The following DRGX variants were observed in gnomAD, a reference collection of about 807,000 sequenced individuals.
The protein encoded by DRGX is dorsal root ganglia homeobox protein.
A neutral mutation model predicts 28.6 loss-of-function variants in DRGX; 21 were observed. The ratio of observed to expected loss-of-function variants is 0.73; its 90% CI spans 0.52 to 1.06. DRGX has a LOEUF of 1.06. Among genes scored for constraint, DRGX ranks in the 50% least tolerant of loss-of-function variants. DRGX has a pLI of 0.00. For synonymous variants in DRGX, 136 were observed against 139.1 expected, an observed-to-expected ratio of 0.98 and a Z score of 0.16; for missense variants, 354 against 343.9, an observed-to-expected ratio of 1.03 and a Z score of -0.23.
intron 6 of DRGX, among the ~76,000 whole-genome samples, chr10:49,382,427 A>C (rs1158229344): frequency 6.6e-6 from 1 of 152,200 alleles, no homozygotes; most frequent in Non-Finnish European, 1.5e-5. Context: ...GGCCTGAGAA[A>C]AGGAGAACTA....
chr10:49,369,552 A>G (rs1376921179), intron 6 of DRGX, among the ~76,000 whole-genome samples: 2 of 152,128 alleles, frequency 1.3e-5, no homozygotes, highest in African/African-American at 4.8e-5. Context: ...AGAGTACTCA[A>G]ATTCCCAGAG....
rs1849593229 is a variant in DRGX at position 49,365,941 on chromosome 10, C to T, written c.*175G>A. On this transcript the variant is annotated 3_prime_UTR_variant, in exon 7 of 7. Coordinates refer to ENST00000374139, the MANE Select transcript of DRGX (RefSeq NM_001276451.2). ...CAACACTGCCGCACTGGTGGGACTC[C>T]AGAGGGACGCTCCAGGTGCCAAGGG... 1.4e-6 allele frequency: 1 copy of T among 701,714 alleles called. No individual in the cohort carries two copies. 43.5% of individuals were successfully genotyped at this position (701,714 alleles called of 1,614,324 possible). A position where few individuals can be genotyped will look rare whatever the true frequency, so the allele number is the denominator to read the frequency against.
intron 2 of DRGX, among the ~76,000 whole-genome samples, chr10:49,393,716 A>G (rs1206543499): frequency 6.6e-6 from 1 of 152,256 alleles, no homozygotes; most frequent in Admixed American, 6.5e-5. Flanking sequence ...CAAAACTGGC[A>G]TAGAATCACA....
chr10:49,375,990 A>T (rs1849712358), intron 6 of DRGX, among the ~76,000 whole-genome samples: 2 of 152,098 alleles, frequency 1.3e-5, no homozygotes, highest in South Asian at 4.1e-4. Flanking sequence ...ACCCATAGGA[A>T]ATGGCTTCTG....
intron 2 of DRGX, among the ~76,000 whole-genome samples, chr10:49,394,650 A>G (rs1362325370): frequency 2.0e-5 from 3 of 152,274 alleles, no homozygotes; most frequent in Middle Eastern, 6.8e-3. Flanking sequence ...TGAGGTCCCA[A>G]CTGTCCCCTT....
At chr10:49,386,943 A>T in intron 4 of DRGX, 85 bp from the exon 5 acceptor site, 1 of 1,444,358 alleles carries the variant, frequency 6.9e-7, no homozygotes, top group Non-Finnish European at 9.2e-7. Flanking sequence ...TGGCACTCAC[A>T]GCTCACCCTG....
chr10:49,386,812 CCT>C lies in DRGX; in HGVS notation c.279_280del (p.Ala95LeufsTer34). On this transcript the variant is annotated frameshift_variant, in exon 5 of 7. Coordinates refer to ENST00000374139, the MANE Select transcript of DRGX (RefSeq NM_001276451.2). LOFTEE classifies it high-confidence loss of function. Reference sequence around the variant, plus strand: ...GGCTCCTGGCTCCTGGTCTGAGGCCCCTCTCTCTGTCTTCCTCCATTTGGCCC... The same window carrying C: ...GGCTCCTGGCTCCTGGTCTGAGGCCCCTCTCTGTCTTCCTCCATTTGGCCC... The C allele has an allele frequency of 6.3e-7, 1 of 1,597,744 alleles. No individual in the cohort carries two copies. The highest frequency in any genetic ancestry group is 1.1e-5 in the South Asian group (1 of 88,298).
chr10:49,390,340 A>G lies in DRGX; in HGVS notation c.133-106T>C, dbSNP rs914022222. ...GAGTGGTGAGGAAGCAGTTTCACAG[A>G]TTAAATCGAGGAAGGACAGGGAGAA... On this transcript the variant is annotated intron_variant, in intron 3 of 6. Coordinates refer to ENST00000374139, the MANE Select transcript of DRGX (RefSeq NM_001276451.2). 12 of 958,478 alleles carry G rather than the reference A, an allele frequency of 1.3e-5. No homozygotes were observed. In the African/African-American group the frequency reaches 1.8e-4, roughly 15 times the overall value. 59.4% of individuals were successfully genotyped at this position (958,478 alleles called of 1,614,324 possible).
rs918035702 is a variant in DRGX, at chr10:49,386,773, G to A, written c.320C>T (p.Ala107Val). 3 of 1,610,228 alleles carry A rather than the reference G, an allele frequency of 1.9e-6. No individual in the cohort carries two copies. The highest frequency in any genetic ancestry group is 2.5e-6 in the Non-Finnish European group (3 of 1,178,292). The change falls in exon 5 of 7, where the codon GCA (alanine) becomes GTA (valine). Residue 107 changes from alanine to valine, a missense_variant. Physicochemically the swap from Ala to Val is moderately conservative, Grantham distance 64. Transcript: ENST00000374139. ...DQEPGAKEPM[A>V]EVTPPPVRNI... is the part of the protein sequence containing the mutation. ...TCTCACTGGAGGAGGTGTCACCTCT[G>A]CCATGGGCTCCTTGGCTCCTGGCTC...
chr10:49,389,920 G>A (rs1849882473), intron 4 of DRGX, among the ~76,000 whole-genome samples: 1 of 151,164 alleles, frequency 6.6e-6, no homozygotes, highest in African/African-American at 2.4e-5. Context: ...ACAAATTAGT[G>A]TAGAACATTA....
chr10:49,370,906 G>A (rs1279115892), intron 6 of DRGX, among the ~76,000 whole-genome samples: 1 of 152,160 alleles, frequency 6.6e-6, no homozygotes, highest in Non-Finnish European at 1.5e-5. Flanking sequence ...CTTAACAGAG[G>A]CAGAACCTGC....
At chr10:49,379,459 G>A (rs1158104081) in intron 6 of DRGX, among the ~76,000 whole-genome samples, 1 of 152,008 alleles carries the variant, frequency 6.6e-6, no homozygotes, top group Non-Finnish European at 1.5e-5. Context: ...TTTTAAAAAG[G>A]AAAACATCGT....
intron 6 of DRGX, among the ~76,000 whole-genome samples, chr10:49,375,872 C>T (rs1194405394): frequency 6.6e-6 from 1 of 152,156 alleles, no homozygotes; most frequent in African/African-American, 2.4e-5. Flanking sequence ...CAGAGCTCGG[C>T]ATGGGCAGGC....
At chr10:49,395,384 C>A in intron 2 of DRGX, 23 bp downstream of exon 2, 1 of 1,548,542 alleles carries the variant, frequency 6.5e-7, no homozygotes, top group Non-Finnish European at 8.7e-7. Context: ...TCATGGAGAC[C>A]CTGGGGCGCA....
chr10:49,385,731 A>T (rs1398056632), intron 6 of DRGX, among the ~76,000 whole-genome samples: 1 of 151,802 alleles, frequency 6.6e-6, no homozygotes, highest in Non-Finnish European at 1.5e-5. Flanking sequence ...GCCTGCACCT[A>T]TGCCTCCACC....
Position 49,366,293 on chromosome 10 carries a change from G to A in DRGX, c.615C>T (p.Ser205=), listed in dbSNP as rs1205887900. Residue 205 remains serine, a synonymous_variant, in exon 7 of 7, where the codon AGC becomes AGT. Transcript: ENST00000374139. ...GGGCCTTCATGCGCAGGGTGGCCAC[G>A]CTGGCCGTGCGGTTACTCTGGCAGC... ...TYGCQSNRTA[S]VATLRMKARE... The A allele has an allele frequency of 1.2e-5, 19 of 1,613,766 alleles. No homozygotes were observed. The highest frequency in any genetic ancestry group is 1.7e-5 in the Admixed American group (1 of 60,008).
At chr10:49,376,456 A>G (rs1255730472) in intron 6 of DRGX, among the ~76,000 whole-genome samples, 1 of 152,148 alleles carries the variant, frequency 6.6e-6, no homozygotes, top group African/African-American at 2.4e-5. Context: ...CATGAACCCC[A>G]GTCACCATGC....
chr10:49,386,933 T>C (rs1341898833), intron 4 of DRGX, 75 bp from the exon 5 acceptor site: 1 of 1,468,670 alleles, frequency 6.8e-7, no homozygotes, highest in African/African-American at 1.4e-5. Context: ...GACCCAGTGC[T>C]GGCACTCACA....
intron 6 of DRGX, among the ~76,000 whole-genome samples, chr10:49,377,724 C>A (rs1482600618): frequency 6.6e-6 from 1 of 152,220 alleles, no homozygotes; most frequent in African/African-American, 2.4e-5. Context: ...ATACCAGGCA[C>A]AGCTGCCATC....
Sources: gnomAD v4.1 joint callset for allele counts (sites outside exome capture counted in the v4.1 genomes callset) on GRCh38, gnomAD v4.1.1 for gene constraint, MANE v1.5 for transcripts, NCBI Gene and HGNC (gene_info 2026-07-23, HGNC 2026-07-21) for gene names.